KCNN2: variants seen among roughly 807,000 people sequenced by gnomAD.
KCNN2 encodes potassium calcium-activated channel subfamily N member 2.
In KCNN2, 24 loss-of-function variants were observed where a neutral mutation model predicts 55.5. The ratio of observed to expected loss-of-function variants is 0.43; its 90% CI spans 0.31 to 0.61. KCNN2 has a LOEUF of 0.61. Ranked by LOEUF, KCNN2 falls within the 20% of genes least tolerant of loss-of-function variation. The pLI is 0.08. For synonymous variants in KCNN2, 431 were observed against 336.1 expected (o/e 1.28, Z -3.09); for missense variants, 754 against 853.6 (o/e 0.88, Z 1.45).
chr5:114,137,861 A>G (rs1354544954), intron 1 of KCNN2, among the ~76,000 whole-genome samples: 1 of 152,178 alleles, frequency 6.6e-6, no homozygotes, highest in South Asian at 2.1e-4. Context: ...TGGGGGAAAC[A>G]ATAGGAAGTG....
intron 2 of KCNN2, among the ~76,000 whole-genome samples, chr5:114,282,017 G>A (rs1370448759): frequency 6.6e-6 from 1 of 152,002 alleles, no homozygotes; most frequent in East Asian, 1.9e-4. Flanking sequence ...ACACTTGTAT[G>A]TAAATGCTTT....
At chr5:114,334,027 T>A (rs1475339688) in intron 2 of KCNN2, among the ~76,000 whole-genome samples, 1 of 152,222 alleles carries the variant, frequency 6.6e-6, no homozygotes, top group Non-Finnish European at 1.5e-5. Flanking sequence ...TTTCTTCACA[T>A]GTTTTGTGGG....
At chr5:114,285,175 T>C (rs1188835616) in intron 2 of KCNN2, among the ~76,000 whole-genome samples, 1 of 147,348 alleles carries the variant, frequency 6.8e-6, no homozygotes, top group Non-Finnish European at 1.5e-5. Flanking sequence ...TCCCAGCTAC[T>C]GGGGAGGCTG....
intron 5 of KCNN2, among the ~76,000 whole-genome samples, chr5:114,484,371 A>G (rs1225165913): frequency 6.6e-6 from 1 of 152,184 alleles, no homozygotes; most frequent in Non-Finnish European, 1.5e-5. Flanking sequence ...GGTACAATGT[A>G]TACTATTTGG....
At chr5:114,161,748 C>T (rs558319577) in intron 1 of KCNN2, among the ~76,000 whole-genome samples, 1 of 152,210 alleles carries the variant, frequency 6.6e-6, no homozygotes, top group East Asian at 1.9e-4. Context: ...TCATTTCATT[C>T]GTTTTGTCTT....
chr5:114,346,245 C>T (rs2150038470), intron 2 of KCNN2, among the ~76,000 whole-genome samples: 1 of 152,260 alleles, frequency 6.6e-6, no homozygotes, highest in East Asian at 1.9e-4. Flanking sequence ...ACGACAACAC[C>T]AAGCCATGAG....
At chr5:114,179,454 C>A (rs555897118) in intron 1 of KCNN2, among the ~76,000 whole-genome samples, 2 of 152,274 alleles carry the variant, frequency 1.3e-5, no homozygotes, top group African/African-American at 4.8e-5. Context: ...CCTCATTGTG[C>A]TTTCAATCAA....
In KCNN2 at chr5:114,363,223, G is replaced by A; in HGVS notation, c.1084G>A (p.Val362Ile). The A allele has an allele frequency of 6.2e-7, 1 of 1,613,070 alleles. No individual in the cohort carries two copies. The highest frequency in any genetic ancestry group is 8.5e-7 in the Non-Finnish European group (1 of 1,179,940). ...IFGMFGIVVM[V>I]IETELSWGAY... ...CGGCATGTTCGGCATCGTGGTCATG[G>A]TCATCGAGACCGAGCTGTCGTGGGG... The change falls in exon 1 of 8, where the codon GTC becomes ATC. Residue 362 changes from valine to isoleucine, a missense_variant. Transcript: ENST00000673685.
chr5:114,130,288 C>T (rs1308894313), intron 1 of KCNN2, among the ~76,000 whole-genome samples: 1 of 152,126 alleles, frequency 6.6e-6, no homozygotes, highest in African/African-American at 2.4e-5. Context: ...CTATATTTCT[C>T]TAAGAGTAGG....
intron 3 of KCNN2, among the ~76,000 whole-genome samples, chr5:114,413,142 A>C (rs1759187396): frequency 6.6e-6 from 1 of 152,234 alleles, no homozygotes; most frequent in South Asian, 2.1e-4. Flanking sequence ...TGTGACTTGC[A>C]AAACATCAAT....
chr5:114,161,947 G>A (rs966144171), intron 1 of KCNN2, among the ~76,000 whole-genome samples: 2 of 152,160 alleles, frequency 1.3e-5, no homozygotes, highest in Non-Finnish European at 2.9e-5. Context: ...ATTGGTTCAA[G>A]CTTCCTCCTT....
intron 2 of KCNN2, among the ~76,000 whole-genome samples, chr5:114,292,173 TGTGCAGAAGCTCTTTA>T (rs540105440): frequency 0.012 from 1,781 of 152,332 alleles, 33 homozygotes; most frequent in African/African-American, 0.042. Flanking sequence ...TTTCTTTTGC[TGTGCAGAAGCTCTTTA>T]GTTTAATTAG....
At chr5:114,308,109 T>TTCTCCTA (rs1756321463) in intron 2 of KCNN2, among the ~76,000 whole-genome samples, 1 of 152,170 alleles carries the variant, frequency 6.6e-6, no homozygotes, top group African/African-American at 2.4e-5. Flanking sequence ...TTGCTGAAGT[T>TTCTCCTA]TCTCCTATCT....
intron 2 of KCNN2, among the ~76,000 whole-genome samples, chr5:114,311,328 C>A (rs1756387514): frequency 6.6e-6 from 1 of 152,022 alleles, no homozygotes; most frequent in Admixed American, 6.6e-5. Context: ...TCTTTAGATT[C>A]TGGAAATTAA....
chr5:114,403,733 A>T (rs541280737), intron 2 of KCNN2, among the ~76,000 whole-genome samples: 1 of 152,270 alleles, frequency 6.6e-6, no homozygotes, highest in African/African-American at 2.4e-5. Flanking sequence ...TTTTCTTCTT[A>T]AAAAATTTTG....
At chr5:114,268,069 T>C (rs2150006910) in intron 2 of KCNN2, among the ~76,000 whole-genome samples, 1 of 152,286 alleles carries the variant, frequency 6.6e-6, no homozygotes, top group Admixed American at 6.5e-5. Flanking sequence ...GCTTCCTAAA[T>C]CGCGTCATTT....
At chr5:114,245,341 T>C (rs1674876852) in intron 2 of KCNN2, among the ~76,000 whole-genome samples, 2 of 152,192 alleles carry the variant, frequency 1.3e-5, no homozygotes, top group South Asian at 4.1e-4. Flanking sequence ...AAACGTGATA[T>C]CTCTTCATGC....
At chr5:114,260,961 G>A (rs4478312) in intron 2 of KCNN2, among the ~76,000 whole-genome samples, 130,130 of 152,202 alleles carry the variant, frequency 0.85, 55,722 homozygotes, top group East Asian at 0.94. Context: ...TTTGTCTTTA[G>A]GAACATGTGG....
intron 1 of KCNN2, among the ~76,000 whole-genome samples, chr5:114,095,942 A>G (rs1751246431): frequency 6.6e-6 from 1 of 152,090 alleles, no homozygotes; most frequent in Non-Finnish European, 1.5e-5. Flanking sequence ...TTTCAAGCAT[A>G]TCAGTATTAC....
Sources: gnomAD v4.1 joint callset for allele counts (sites outside exome capture counted in the v4.1 genomes callset) on GRCh38, gnomAD v4.1.1 for gene constraint, MANE v1.5 for transcripts, NCBI Gene and HGNC (gene_info 2026-07-23, HGNC 2026-07-21) for gene names.